Variants in XRCC4 observed in about 807,000 individuals in gnomAD.
The protein encoded by XRCC4 is DNA repair protein XRCC4.
Under a neutral mutation model 39.1 loss-of-function variants are expected in XRCC4, and 28 were observed. The observed-to-expected ratio is 0.72, with a 90% CI of 0.53 to 0.98. The LOEUF (loss-of-function observed/expected upper bound fraction) is 0.98. Among genes scored for constraint, XRCC4 ranks in the 50% least tolerant of loss-of-function variants. XRCC4 has a pLI of 0.00. For synonymous variants in XRCC4, 123 were observed against 126.4 expected (o/e 0.97, Z 0.18); for missense variants, 350 against 376.4 (o/e 0.93, Z 0.58).
intron 3 of XRCC4, among the ~76,000 whole-genome samples, chr5:83,132,442 G>T (rs1747644538): frequency 6.6e-6 from 1 of 151,922 alleles, no homozygotes. Flanking sequence ...TGCTAGGTTG[G>T]GGAAGTTTTC....
At chr5:83,247,281 G>C (rs11960292) in intron 6 of XRCC4, among the ~76,000 whole-genome samples, 1 of 152,108 alleles carries the variant, frequency 6.6e-6, no homozygotes, top group Non-Finnish European at 1.5e-5. Flanking sequence ...ATATCTTACA[G>C]CAGGGGTCCT....
At chr5:83,207,250 C>T (rs181894950) in intron 6 of XRCC4, among the ~76,000 whole-genome samples, 6 of 152,078 alleles carry the variant, frequency 3.9e-5, no homozygotes, top group East Asian at 3.9e-4. Flanking sequence ...TGAGAAAATA[C>T]GTGGTTAAAT....
At chr5:83,084,899 T>C (rs1401853727) in intron 1 of XRCC4, among the ~76,000 whole-genome samples, 1 of 152,132 alleles carries the variant, frequency 6.6e-6, no homozygotes, top group East Asian at 1.9e-4. Flanking sequence ...CCCTTAAGAC[T>C]AACAAAAAAG....
chr5:83,113,083 A>G (rs1441086225), intron 3 of XRCC4, among the ~76,000 whole-genome samples: 3 of 152,194 alleles, frequency 2.0e-5, no homozygotes, highest in Non-Finnish European at 2.9e-5. Context: ...CCTTCTACCT[A>G]TGAGCTTGTA....
At chr5:83,168,733 A>G (rs1749596398) in intron 3 of XRCC4, among the ~76,000 whole-genome samples, 3 of 152,220 alleles carry the variant, frequency 2.0e-5, no homozygotes, top group Admixed American at 1.3e-4. Context: ...AAACACAAAC[A>G]CAAGAAAATT....
At chr5:83,235,356 AAG>A (rs1752648982) in intron 6 of XRCC4, among the ~76,000 whole-genome samples, 1 of 150,786 alleles carries the variant, frequency 6.6e-6, no homozygotes, top group East Asian at 1.9e-4. Context: ...AAAAAAAAGA[AAG>A]AAAGGAAAAA....
At chr5:83,142,767 A>C (rs1417094451) in intron 3 of XRCC4, among the ~76,000 whole-genome samples, 1 of 152,222 alleles carries the variant, frequency 6.6e-6, no homozygotes, top group Non-Finnish European at 1.5e-5. Context: ...TATGTAGATG[A>C]CATCTCAGAG....
intron 7 of XRCC4, among the ~76,000 whole-genome samples, chr5:83,260,127 G>T (rs139740740): frequency 6.6e-6 from 1 of 151,948 alleles, no homozygotes; most frequent in African/African-American, 2.4e-5. Flanking sequence ...ATTCTTTCCG[G>T]TTTGTGTTTA....
intron 3 of XRCC4, among the ~76,000 whole-genome samples, chr5:83,112,040 T>C (rs1251090191): frequency 6.6e-6 from 1 of 152,190 alleles, no homozygotes; most frequent in Non-Finnish European, 1.5e-5. Context: ...ATTTCATTAA[T>C]TAGATAAACA....
chr5:83,258,960 C>T (rs1753655593), intron 7 of XRCC4: 8 of 330,176 alleles, frequency 2.4e-5, no homozygotes, highest in South Asian at 2.3e-4. Context: ...TATTGGAATC[C>T]AACTAGTGTT....
chr5:83,170,119 G>A (rs1749655803), intron 3 of XRCC4, among the ~76,000 whole-genome samples: 1 of 152,000 alleles, frequency 6.6e-6, no homozygotes, highest in African/African-American at 2.4e-5. Flanking sequence ...ATTTGATTCA[G>A]GAATGACATG....
At chr5:83,287,402 T>C (rs1373403131) in intron 7 of XRCC4, among the ~76,000 whole-genome samples, 1 of 152,052 alleles carries the variant, frequency 6.6e-6, no homozygotes, top group African/African-American at 2.4e-5. Flanking sequence ...ATTTCACAAA[T>C]GTTAATGTGA....
At chr5:83,193,425 T>TA (rs1275537162) in intron 3 of XRCC4, among the ~76,000 whole-genome samples, 44 of 152,292 alleles carry the variant, frequency 2.9e-4, no homozygotes, top group African/African-American at 6.3e-4. Flanking sequence ...AAAATAGATA[T>TA]AAAAAAAGTT....
intron 7 of XRCC4, among the ~76,000 whole-genome samples, chr5:83,309,296 A>AAAAT (rs1561467702): frequency 1.7e-4 from 12 of 72,230 alleles, no homozygotes; most frequent in African/African-American, 6.8e-4. Flanking sequence ...AAAAAAAAAA[A>AAAAT]ATATATATAT....
At chr5:83,188,322 C>G (rs1234443269) in intron 3 of XRCC4, among the ~76,000 whole-genome samples, 2 of 151,696 alleles carry the variant, frequency 1.3e-5, no homozygotes, top group Non-Finnish European at 2.9e-5. Flanking sequence ...TTCTTGCTGG[C>G]TATGATGGTT....
chr5:83,340,465 G>T (rs1292617605), intron 7 of XRCC4, among the ~76,000 whole-genome samples: 1 of 152,112 alleles, frequency 6.6e-6, no homozygotes, highest in East Asian at 1.9e-4. Context: ...AATCACAAAG[G>T]TCCTTAAGTA....
At position 83,281,059 on chromosome 5, in the gene XRCC4, G is replaced by A. The variant is rs185204802; in HGVS notation, c.893+22382G>A. Among the ~76,000 whole-genome samples the A allele has an allele frequency of 4.6e-3, 699 of 152,254 alleles. 1 individual carries two copies. The highest frequency in any genetic ancestry group is 6.6e-3 in the Non-Finnish European group (452 of 68,018). Reference sequence around the variant, plus strand: ...TATCTTAAGACTTGCATAATAAATAGCATTCCACTCAAAAGACATCTTGCA... The same window carrying A: ...TATCTTAAGACTTGCATAATAAATAACATTCCACTCAAAAGACATCTTGCA... On this transcript the variant is annotated intron_variant, in intron 7 of 7. Transcript: ENST00000396027.
chr5:83,307,875 C>T (rs183618769), intron 7 of XRCC4, among the ~76,000 whole-genome samples: 13 of 152,224 alleles, frequency 8.5e-5, no homozygotes, highest in East Asian at 3.9e-4. Flanking sequence ...GAATTCCAGA[C>T]GGAAAATTCC....
At chr5:83,303,273 A>G (rs915055638) in intron 7 of XRCC4, among the ~76,000 whole-genome samples, 2 of 151,742 alleles carry the variant, frequency 1.3e-5, no homozygotes, top group Non-Finnish European at 2.9e-5. Flanking sequence ...AGTACTCTAT[A>G]TTAAGAATCT....
Sources: allele counts gnomAD v4.1 joint callset (sites outside exome capture counted in the v4.1 genomes callset), GRCh38; gene constraint gnomAD v4.1.1; transcripts MANE v1.5; gene names NCBI Gene and HGNC (gene_info 2026-07-23, HGNC 2026-07-21).